The following BIRC6 variants were observed in gnomAD, a reference collection of about 807,000 sequenced individuals.
The protein encoded by BIRC6 is baculoviral IAP repeat containing 6, also known as dual E2 ubiquitin-conjugating enzyme/E3 ubiquitin-protein ligase BIRC6.
A neutral mutation model predicts 503.3 loss-of-function variants in BIRC6; 98 were observed. The ratio of observed to expected loss-of-function variants is 0.19; its 90% CI spans 0.17 to 0.23. BIRC6 has a LOEUF of 0.23. Ranked by LOEUF, BIRC6 falls within the 10% of genes least tolerant of loss-of-function variation. BIRC6 has a pLI of 1.00. For synonymous variants in BIRC6, 2,240 were observed against 2,078.7 expected, an observed-to-expected ratio of 1.08 and a Z score of -2.11; for missense variants, 5,360 against 5,806.0, an observed-to-expected ratio of 0.92 and a Z score of 2.50.
chr2:32,421,088 G>GTTTCTTTC (rs576842385), intron 10 of BIRC6, among the ~76,000 whole-genome samples: 23 of 143,470 alleles, frequency 1.6e-4, no homozygotes, highest in Admixed American at 1.5e-3. Flanking sequence ...CTCTTCTCTA[G>GTTTCTTTC]TTTCTTTCTT....
At chr2:32,518,437 T>TATTTTACA (rs1291845035) in intron 56 of BIRC6, 40 bp downstream of exon 56, 2 of 1,570,510 alleles carry the variant, frequency 1.3e-6, no homozygotes, top group Non-Finnish European at 1.7e-6. Context: ...TGTATACATG[T>TATTTTACA]ATTTTACAAT....
chr2:32,428,419 C>T (rs150637551), intron 10 of BIRC6, among the ~76,000 whole-genome samples: 258 of 152,334 alleles, frequency 1.7e-3, no homozygotes, highest in African/African-American at 6.0e-3. Flanking sequence ...CCTGTTTAAA[C>T]TGGACGCTCT....
Position 32,453,823 on chromosome 2 carries a change from G to C in BIRC6, c.4634G>C (p.Ser1545Thr), listed in dbSNP as rs139981025. ...TTGCCATTAGGAAATGGAAAGGTCA[G>C]TAGTTGCACAGCTGCTGAGGGTAGT... ...SDVLSGNGKV[S>T]SCTAAEGSFT... The change falls in exon 23 of 74, where the codon AGT (serine) becomes ACT (threonine). Residue 1545 changes from serine (S) to threonine (T), a missense_variant. Physicochemically the swap from Ser to Thr is moderately conservative, Grantham distance 58. Transcript: ENST00000421745. 6 of 1,613,666 alleles carry C rather than the reference G, an allele frequency of 3.7e-6. No homozygotes were observed. In the African/African-American group the frequency reaches 6.7e-5, roughly 18 times the overall value.
chr2:32,429,808 T>C (rs867336570), intron 11 of BIRC6, among the ~76,000 whole-genome samples: 2 of 152,332 alleles, frequency 1.3e-5, no homozygotes, highest in Middle Eastern at 3.4e-3. Context: ...TGTAGACTTT[T>C]ATGAAATCAT....
chr2:32,444,724 A>G (rs1411900295), intron 20 of BIRC6, among the ~76,000 whole-genome samples: 6 of 152,180 alleles, frequency 3.9e-5, no homozygotes, highest in African/African-American at 7.2e-5. Flanking sequence ...AGTGAGTTAT[A>G]TATTTCATAA....
At chr2:32,382,357 A>G (rs549786233) in intron 3 of BIRC6, among the ~76,000 whole-genome samples, 35 of 152,356 alleles carry the variant, frequency 2.3e-4, no homozygotes, top group African/African-American at 8.2e-4. Flanking sequence ...TGCTAAAACA[A>G]CCAAACCAAA....
intron 1 of BIRC6, among the ~76,000 whole-genome samples, chr2:32,376,057 G>T (rs2036725873): frequency 6.6e-6 from 1 of 151,938 alleles, no homozygotes; most frequent in Non-Finnish European, 1.5e-5. Context: ...GAGGTGGCAG[G>T]CATCTGTAGT....
At chr2:32,536,844 C>T (rs978648641) in intron 61 of BIRC6, among the ~76,000 whole-genome samples, 3 of 152,102 alleles carry the variant, frequency 2.0e-5, no homozygotes, top group African/African-American at 7.2e-5. Context: ...CTATAAATTA[C>T]CTTGGGTAGT....
intron 54 of BIRC6, among the ~76,000 whole-genome samples, 156 bp from the exon 55 acceptor site, chr2:32,514,834 A>G (rs1048011635): frequency 6.6e-6 from 1 of 152,190 alleles, no homozygotes; most frequent in Non-Finnish European, 1.5e-5. Context: ...GTCTATATAT[A>G]TATATATGCA....
intron 10 of BIRC6, among the ~76,000 whole-genome samples, chr2:32,423,493 A>G (rs546028533): frequency 2.0e-5 from 3 of 152,122 alleles, no homozygotes; most frequent in Non-Finnish European, 4.4e-5. Flanking sequence ...GGTAACCTCA[A>G]TTCTACTTCT....
intron 65 of BIRC6, among the ~76,000 whole-genome samples, chr2:32,558,202 T>C (rs1011161389): frequency 1.3e-5 from 2 of 152,192 alleles, no homozygotes; most frequent in Non-Finnish European, 2.9e-5. Flanking sequence ...GCCGAAAATA[T>C]AATGAAAATG....
chr2:32,475,360 C>T (rs987196326), intron 33 of BIRC6, among the ~76,000 whole-genome samples: 18 of 152,024 alleles, frequency 1.2e-4, no homozygotes, highest in Non-Finnish European at 2.2e-4. Context: ...TCTTTATGAA[C>T]AGAGAGTTTT....
chr2:32,571,793 T>A (rs1184073423), intron 65 of BIRC6, among the ~76,000 whole-genome samples: 4 of 152,164 alleles, frequency 2.6e-5, no homozygotes, highest in East Asian at 1.9e-4. Flanking sequence ...TTGTTCTTAC[T>A]TTTCTAGTTC....
At chr2:32,525,331 T>C (rs537150104) in intron 58 of BIRC6, 133 bp from the exon 59 acceptor site, 6 of 965,784 alleles carry the variant, frequency 6.2e-6, no homozygotes, top group South Asian at 1.7e-5. Flanking sequence ...GATTAGATAT[T>C]GGATTAGAAG....
chr2:32,548,316 T>C (rs1244426341), intron 64 of BIRC6, among the ~76,000 whole-genome samples: 1 of 42,028 alleles, frequency 2.4e-5, no homozygotes, highest in Non-Finnish European at 4.9e-5. Context: ...GTATCTGGCC[T>C]TTTTTTTTTT....
At chr2:32,474,514 G>A (rs1013212314) in intron 33 of BIRC6, among the ~76,000 whole-genome samples, 4 of 152,134 alleles carry the variant, frequency 2.6e-5, no homozygotes, top group Non-Finnish European at 5.9e-5. Flanking sequence ...GTGCCTTGAG[G>A]GATAATTGGT....
chr2:32,535,144 A>G (rs924888229), intron 61 of BIRC6, among the ~76,000 whole-genome samples: 1 of 143,502 alleles, frequency 7.0e-6, no homozygotes, highest in Admixed American at 6.9e-5. Context: ...CATACCCCCA[A>G]AAAAGCAAAA....
At position 32,439,605 on chromosome 2, in the gene BIRC6, A is replaced by G. The variant is rs1050190473; in HGVS notation, c.3729A>G (p.Val1243=). ...EEICNGGMRP[V]VRLPSLKHQS... is the part of the protein sequence containing the mutation. ...TTTGTAATGGTGGTATGCGTCCTGT[A>G]GTAAGGCTTCCATCCCTAAAACACC... The change falls in exon 16 of 74, where the codon GTA becomes GTG. Residue 1243 remains valine (V), a synonymous_variant. Coordinates refer to ENST00000421745, the MANE Select transcript of BIRC6 (RefSeq NM_016252.4). 3.7e-6 allele frequency: 6 copies of G among 1,613,836 alleles called. No individual in the cohort carries two copies. The Admixed American group carries it at 1.0e-4, about 27-fold the overall frequency.
intron 14 of BIRC6, 142 bp downstream of exon 14, chr2:32,435,727 G>T: frequency 1.1e-6 from 1 of 910,800 alleles, no homozygotes. Context: ...ATTCTGCTTT[G>T]GCAATATGCT....
Sources: gnomAD v4.1 joint callset for allele counts (sites outside exome capture counted in the v4.1 genomes callset) on GRCh38, gnomAD v4.1.1 for gene constraint, MANE v1.5 for transcripts, NCBI Gene and HGNC (gene_info 2026-07-23, HGNC 2026-07-21) for gene names.